ANKRD53: variants seen among roughly 807,000 people sequenced by gnomAD.
The protein encoded by ANKRD53 is ankyrin repeat domain 53, also known as ankyrin repeat domain-containing protein 53.
Under a neutral mutation model 30.1 loss-of-function variants are expected in ANKRD53, and 27 were observed. That is an observed-to-expected ratio of 0.90 (90% CI 0.66 to 1.24). The LOEUF (loss-of-function observed/expected upper bound fraction) is 1.24, where lower values mean the gene tolerates loss of function less well. ANKRD53 is among the 50% of genes most tolerant of loss of function. ANKRD53 has a pLI of 0.00. For missense variants in ANKRD53, 682 were observed against 721.0 expected (o/e 0.95, Z 0.62); for synonymous variants, 286 against 295.4 (o/e 0.97, Z 0.33).
At position 70,985,429 on chromosome 2, in the gene ANKRD53, C is replaced by A. The variant is rs896871732; in HGVS notation, c.*129C>A. The A allele has an allele frequency of 9.7e-6, 8 of 828,658 alleles. No homozygotes were observed. In the East Asian group the frequency reaches 1.9e-4, roughly 20 times the overall value. The allele number at this position is 828,658 out of a possible 1,614,324, so 51.3% of individuals were successfully genotyped here. A position where few individuals can be genotyped will look rare whatever the true frequency, so the allele number is the denominator to read the frequency against. On this transcript the variant is annotated 3_prime_UTR_variant, in exon 6 of 6. Transcript: ENST00000360589. Reference sequence around the variant, plus strand: ...TCCCACTCCCAAGCTCGAGGAGTCACCCTTCCCAATCAAAAGCCCAGACCC... The same window carrying A: ...TCCCACTCCCAAGCTCGAGGAGTCAACCTTCCCAATCAAAAGCCCAGACCC...
rs1572930951 is a variant in ANKRD53 at position 70,978,639 on chromosome 2, C to A, written c.-7C>A. The stretch of plus-strand genomic sequence containing the variant: ...CGCCCGGCCCGGGTCCGAGTTCCAG[C>A]CCCGCGATGGCCTCCGCGGGCAGCA... On this transcript the variant is annotated 5_prime_UTR_variant, in exon 1 of 6. Transcript: ENST00000360589. The surrounding 1 kb of genome is among the most constrained non-coding windows in gnomAD (Gnocchi z 4.3). 2.0e-6 allele frequency: 3 copies of A among 1,522,346 alleles called. No individual in the cohort carries two copies. The highest frequency in any genetic ancestry group is 5.3e-5 in the East Asian group (2 of 37,440). 94.3% of individuals were successfully genotyped at this position (1,522,346 alleles called of 1,614,324 possible). A position where few individuals can be genotyped will look rare whatever the true frequency, so the allele number is the denominator to read the frequency against.
In ANKRD53 at chr2:70,982,059, C is replaced by A. The variant is rs1553423718; in HGVS notation, c.741C>A (p.Pro247=). The part of the protein sequence containing the change: ...VHAQDAMGYK[P]IDFCKIWNHR... Reference sequence around the variant, plus strand: ...CCCAAGATGCCATGGGCTACAAACCCATTGACTTCTGCAAAATATGGAACC... The same window carrying A: ...CCCAAGATGCCATGGGCTACAAACCAATTGACTTCTGCAAAATATGGAACC... Residue 247 remains proline (P), a synonymous_variant, in exon 4 of 6, where the codon CCC becomes CCA. Transcript: ENST00000360589. The surrounding 1 kb of genome is among the most constrained non-coding windows in gnomAD (Gnocchi z 4.2). The A allele has an allele frequency of 1.2e-6, 2 of 1,613,164 alleles. No individual in the cohort carries two copies. The highest frequency in any genetic ancestry group is 1.1e-5 in the South Asian group (1 of 90,940).
intron 5 of ANKRD53, chr2:70,984,019 G>A: frequency 9.1e-7 from 1 of 1,095,234 alleles, no homozygotes; most frequent in Non-Finnish European, 1.4e-6. Flanking sequence ...CGGGCCTGGA[G>A]AGCCAGCCAA....
Position 70,982,702 on chromosome 2 carries a change from G to T in ANKRD53, c.903+5G>T. On this transcript the variant is annotated splice_donor_5th_base_variant and intron_variant, in intron 5 of 5. Transcript: ENST00000360589. The surrounding 1 kb of genome is among the most constrained non-coding windows in gnomAD (Gnocchi z 4.2). ...AACTACCTGATTGAGTATCAAGTAAGGGGGACAGCAGGGGGGCCAGGGGAC... is the reference window on the plus strand; with the variant it reads ...AACTACCTGATTGAGTATCAAGTAATGGGGACAGCAGGGGGGCCAGGGGAC... 6.2e-7 allele frequency: 1 copy of T among 1,613,750 alleles called. No homozygotes were observed. The highest frequency in any genetic ancestry group is 1.1e-5 in the South Asian group (1 of 91,070).
In ANKRD53 at chr2:70,978,887, G is replaced by C. The variant is rs1010372838; in HGVS notation, c.170+72G>C. The C allele has an allele frequency of 3.3e-6, 5 of 1,493,908 alleles. No individual in the cohort carries two copies. The highest frequency in any genetic ancestry group is 1.3e-5 in the South Asian group (1 of 76,664). The allele number at this position is 1,493,908 out of a possible 1,614,324, so 92.5% of individuals were successfully genotyped here. On this transcript the variant is annotated intron_variant, in intron 1 of 5. Transcript: ENST00000360589. This position sits in a 1 kb window ranked among gnomAD's most constrained non-coding sequence, Gnocchi z 4.3. ...GCCCAGCGCCTCCCTGGTGGGCAGG[G>C]CCTGGAGCGGGCGGGGGCGGAGGCT...
chr2:70,983,788 C>T (rs1156243127), intron 5 of ANKRD53, among the ~76,000 whole-genome samples: 1 of 152,166 alleles, frequency 6.6e-6, no homozygotes, highest in East Asian at 1.9e-4. Context: ...TAAAGGAAAG[C>T]CATATGCTGA....
chr2:70,984,790 G>A lies in ANKRD53; in HGVS notation c.1083G>A (p.Leu361=). The A allele has an allele frequency of 6.4e-7, 1 of 1,558,798 alleles. No homozygotes were observed. The highest frequency in any genetic ancestry group is 8.7e-7 in the Non-Finnish European group (1 of 1,150,518). The change falls in exon 6 of 6, where the codon CTG becomes CTA. Residue 361 remains leucine (L), a synonymous_variant. Transcript: ENST00000360589. ...TCCACCCCTCTGTGGATGCACGCCT[G>A]CAATGCATTCCACAGCCCACGGAGA... is the stretch of plus-strand genomic sequence containing the variant. ...RSFHPSVDAR[L]QCIPQPTEMP... is the part of the protein sequence containing the mutation.
At chr2:70,983,570 CTGTT>C (rs769305295) in intron 5 of ANKRD53, among the ~76,000 whole-genome samples, 9 of 152,202 alleles carry the variant, frequency 5.9e-5, no homozygotes, top group Non-Finnish European at 1.2e-4. Flanking sequence ...CACACCGGGT[CTGTT>C]TCAGTTCCAT....
At position 70,979,258 on chromosome 2, in the gene ANKRD53, A is replaced by C. The variant is rs1217612727; in HGVS notation, c.332A>C (p.Gln111Pro). 1 of 1,613,594 alleles carries C rather than the reference A, an allele frequency of 6.2e-7. No individual in the cohort carries two copies. Among genetic ancestry groups the C allele is most frequent in the Admixed American group, 1.7e-5 (1 of 60,008 alleles). ...CAGACGGCGATCGGGAGCTACTACC[A>C]GCTGTTCGCAGCGGCTGTGGGCAAC... ...IDQTAIGSYY[Q>P]LFAAAVGNVE... Residue 111 changes from glutamine (Q) to proline (P), a missense_variant, in exon 2 of 6, where the codon CAG becomes CCG. Physicochemically the swap from Gln to Pro is moderately conservative, Grantham distance 76. Transcript: ENST00000360589.
chr2:70,985,023 TGG>T lies in ANKRD53; in HGVS notation c.1317_1318del (p.Asp440ArgfsTer13), dbSNP rs1670140674. Reference sequence around the variant, plus strand: ...CACGGCGGTGCGCGGCTGCACACAGTGGACGGCCACTGGGTGGCGCCCGTGCC... The same window carrying T: ...CACGGCGGTGCGCGGCTGCACACAGTACGGCCACTGGGTGGCGCCCGTGCC... On this transcript the variant is annotated frameshift_variant, in exon 6 of 6. Coordinates refer to ENST00000360589, the MANE Select transcript of ANKRD53 (RefSeq NM_001115116.2). LOFTEE classifies it low-confidence loss of function (END_TRUNC). The T allele has an allele frequency of 1.3e-6, 2 of 1,549,222 alleles. No individual in the cohort carries two copies. Among genetic ancestry groups the T allele is most frequent in the Admixed American group, 2.0e-5 (1 of 50,936 alleles).
At position 70,984,994 on chromosome 2, in the gene ANKRD53, T is replaced by C. The variant is rs1372191576; in HGVS notation, c.1287T>C (p.Asp429=). The part of the protein sequence containing the change: ...DFSSFLEVRP[D]GHGGARLHTV... Reference sequence around the variant, plus strand: ...GCAGCTTCCTGGAGGTGAGGCCTGATGGGCACGGCGGTGCGCGGCTGCACA... The same window carrying C: ...GCAGCTTCCTGGAGGTGAGGCCTGACGGGCACGGCGGTGCGCGGCTGCACA... The change falls in exon 6 of 6, where the codon GAT becomes GAC. Residue 429 remains aspartate (D), a synonymous_variant. Transcript: ENST00000360589. 3 of 1,549,558 alleles carry C rather than the reference T, an allele frequency of 1.9e-6. No homozygotes were observed. The African/African-American group carries it at 4.1e-5, about 21-fold the overall frequency.
chr2:70,984,811 G>T lies in ANKRD53; in HGVS notation c.1104G>T (p.Thr368=). The T allele has an allele frequency of 6.4e-7, 1 of 1,553,530 alleles. No homozygotes were observed. Among genetic ancestry groups the T allele is most frequent in the Non-Finnish European group, 8.7e-7 (1 of 1,147,882 alleles). Residue 368 remains threonine, a synonymous_variant, in exon 6 of 6, where the codon ACG becomes ACT. Transcript: ENST00000360589. ...GCCTGCAATGCATTCCACAGCCCACGGAGATGCCCAAGCCCATCTACAGGA... is the reference window on the plus strand; with the variant it reads ...GCCTGCAATGCATTCCACAGCCCACTGAGATGCCCAAGCCCATCTACAGGA... ...DARLQCIPQP[T]EMPKPIYRKP...
Position 70,979,175 on chromosome 2 carries a change from CACCCCGCCCCGCGCTG to C in ANKRD53, c.255_270del (p.Pro86AlafsTer37), listed in dbSNP as rs1553422995. 1 of 1,612,532 alleles carries C rather than the reference CACCCCGCCCCGCGCTG, an allele frequency of 6.2e-7. No individual in the cohort carries two copies. Among genetic ancestry groups the C allele is most frequent in the Non-Finnish European group, 8.5e-7 (1 of 1,179,754 alleles). On this transcript the variant is annotated frameshift_variant, in exon 2 of 6. Coordinates refer to ENST00000360589, the MANE Select transcript of ANKRD53 (RefSeq NM_001115116.2). LOFTEE classifies it high-confidence loss of function. Reference sequence around the variant, plus strand: ...CCAGGCCGCGCCGCCCTGCCTCGCTCACCCCGCCCCGCGCTGACCCCAGCCCCAGCAAGGAGTCCGA... The same window carrying C: ...CCAGGCCGCGCCGCCCTGCCTCGCTCACCCCAGCCCCAGCAAGGAGTCCGA...
rs1670128753 is a variant in ANKRD53, at chr2:70,984,890, C to T, written c.1183C>T (p.Pro395Ser). The T allele has an allele frequency of 6.5e-7, 1 of 1,547,772 alleles. No homozygotes were observed. The highest frequency in any genetic ancestry group is 1.2e-5 in the South Asian group (1 of 83,862). The change falls in exon 6 of 6, where the codon CCC becomes TCC. Residue 395 changes from proline to serine, a missense_variant. By Grantham distance (74) the Pro-to-Ser change is moderately conservative. Transcript: ENST00000360589. ...MWNVSNNPAR[P>S]PTTQISHSQG... ...GAATGTTAGCAACAACCCCGCCAGA[C>T]CCCCCACCACCCAGATCAGCCACTC...
intron 5 of ANKRD53, among the ~76,000 whole-genome samples, chr2:70,983,131 C>A (rs1670061812): frequency 6.6e-6 from 1 of 152,196 alleles, no homozygotes; most frequent in African/African-American, 2.4e-5. Context: ...AATATGTGGT[C>A]CCCACGCTCA....
rs1193848161 is a variant in ANKRD53 at position 70,984,698 on chromosome 2, A to T, written c.991A>T (p.Lys331Ter). Residue 331 changes from lysine to a stop codon, truncating the protein, a stop_gained, in exon 6 of 6, where the codon AAG (lysine) becomes TAG (stop). Transcript: ENST00000360589. LOFTEE classifies it low-confidence loss of function (END_TRUNC). The stretch of plus-strand genomic sequence containing the variant: ...AGGCCACTCTCTGGTCTCCAATACC[A>T]AGCAAGCCCGGGCCACCGCCCTCTC... ...HPGHSLVSNT[K>*]QARATALSKT... 1 of 1,613,638 alleles carries T rather than the reference A, an allele frequency of 6.2e-7. No individual in the cohort carries two copies. Among genetic ancestry groups the T allele is most frequent in the Non-Finnish European group, 8.5e-7 (1 of 1,179,786 alleles).
rs62145101 is a variant in ANKRD53 at position 70,985,372 on chromosome 2, G to A, written c.*72G>A. 5.9e-3 allele frequency: 8,269 copies of A among 1,396,972 alleles called. 47 individuals are homozygous for A. The highest frequency in any genetic ancestry group is 0.022 in the Middle Eastern group (86 of 3,968). 86.5% of individuals were successfully genotyped at this position (1,396,972 alleles called of 1,614,324 possible). A position where few individuals can be genotyped will look rare whatever the true frequency, so the allele number is the denominator to read the frequency against. On this transcript the variant is annotated 3_prime_UTR_variant, in exon 6 of 6. Transcript: ENST00000360589. ...AAGTGTGGCAATTCACGTTGTGGGT[G>A]GCGAGGAAAGGGGGAGGGGTGCCTA...
Position 70,982,658 on chromosome 2 carries a change from G to A in ANKRD53, c.864G>A (p.Gln288=), listed in dbSNP as rs1408077001. Residue 288 remains glutamine (Q), a synonymous_variant, in exon 5 of 6, where the codon CAG becomes CAA. Coordinates refer to ENST00000360589, the MANE Select transcript of ANKRD53 (RefSeq NM_001115116.2). This position sits in a 1 kb window ranked among gnomAD's most constrained non-coding sequence, Gnocchi z 4.2. ...EMTKMKMFKS[Q]LTLMEHNYLI... Reference sequence around the variant, plus strand: ...CGAAAATGAAGATGTTCAAGAGCCAGCTGACCCTCATGGAGCACAACTACC... The same window carrying A: ...CGAAAATGAAGATGTTCAAGAGCCAACTGACCCTCATGGAGCACAACTACC... 6.2e-7 allele frequency: 1 copy of A among 1,614,050 alleles called. No individual in the cohort carries two copies. The highest frequency in any genetic ancestry group is 1.3e-5 in the African/African-American group (1 of 74,924).
At position 70,979,286 on chromosome 2, in the gene ANKRD53, G is replaced by T; in HGVS notation, c.360G>T (p.Val120=). 1.2e-6 allele frequency: 2 copies of T among 1,613,698 alleles called. No individual in the cohort carries two copies. The highest frequency in any genetic ancestry group is 8.5e-7 in the Non-Finnish European group (1 of 1,180,038). Residue 120 remains valine, a synonymous_variant, in exon 2 of 6, where the codon GTG becomes GTT. Coordinates refer to ENST00000360589, the MANE Select transcript of ANKRD53 (RefSeq NM_001115116.2). ...TGTTCGCAGCGGCTGTGGGCAACGTGGAATGGCTGCGATTCTGTCTGAACC... is the reference window on the plus strand; with the variant it reads ...TGTTCGCAGCGGCTGTGGGCAACGTTGAATGGCTGCGATTCTGTCTGAACC... The part of the protein sequence containing the change: ...YQLFAAAVGN[V]EWLRFCLNQS...
Sources: gnomAD v4.1 joint callset for allele counts (sites outside exome capture counted in the v4.1 genomes callset) on GRCh38, gnomAD v4.1.1 for gene constraint, Gnocchi (gnomAD v3.1) non-coding constraint, MANE v1.5 for transcripts, NCBI Gene and HGNC (gene_info 2026-07-23, HGNC 2026-07-21) for gene names.